RABGAP1L: variants seen among roughly 807,000 people sequenced by gnomAD.
RABGAP1L encodes RAB GTPase activating protein 1 like.
Under a neutral mutation model 137.7 loss-of-function variants are expected in RABGAP1L, and 63 were observed. The observed-to-expected ratio is 0.46, with a 90% CI of 0.37 to 0.56. The LOEUF is 0.56. Ranked by LOEUF, RABGAP1L falls within the 20% of genes least tolerant of loss-of-function variation. RABGAP1L has a pLI of 0.00. For synonymous variants in RABGAP1L, 431 were observed against 433.7 expected, an observed-to-expected ratio of 0.99 and a Z score of 0.08; for missense variants, 1,095 against 1,244.0, an observed-to-expected ratio of 0.88 and a Z score of 1.80.
chr1:174,877,398 G>A, intron 19 of RABGAP1L: 1 of 1,570,616 alleles, frequency 6.4e-7, no homozygotes, highest in Non-Finnish European at 8.6e-7. Flanking sequence ...TCAGGTGGGT[G>A]TGTACACTGG....
Position 174,272,478 on chromosome 1 carries a change from A to G in RABGAP1L, c.1051A>G (p.Met351Val), listed in dbSNP as rs1282879852. 1.9e-6 allele frequency: 3 copies of G among 1,586,720 alleles called. No individual in the cohort carries two copies. The highest frequency in any genetic ancestry group is 2.3e-5 in the East Asian group (1 of 43,246). The change falls in exon 8 of 26, where the codon ATG becomes GTG. Residue 351 changes from methionine (M) to valine (V), a missense_variant and splice_region_variant. By Grantham distance (21) the Met-to-Val change is conservative. Around this residue, in one of 4 missense-constraint regions of RABGAP1L, gnomAD observed 112 missense variants for 157.3 expected, o/e 0.71. Transcript: ENST00000681986. ...GAACAGTGACATGCATTTACTGGAT[A>G]TGGTAATGATAATCTTAAGCACCTT... ...VKNSDMHLLD[M>V]ESMGKSYDGR...
chr1:174,638,871 C>CAG (rs1018393543), intron 14 of RABGAP1L, among the ~76,000 whole-genome samples: 2 of 132,810 alleles, frequency 1.5e-5, no homozygotes, highest in Admixed American at 8.0e-5. Flanking sequence ...GAATATCACA[C>CAG]TCTGGGGACT....
In RABGAP1L at chr1:174,839,028, CGTGTGTGT is replaced by C. The variant is rs71726767; in HGVS notation, c.2340+27089_2340+27096del. ...ATGAGCTAAGTCATGAACTTTTTTA[CGTGTGTGT>C]GTGTGTGTGTGTGTGTGTGTTGGTA... On this transcript the variant is annotated intron_variant, in intron 19 of 25. Transcript: ENST00000681986. 9.1e-3 allele frequency among the ~76,000 whole-genome samples: 1,185 copies of C among 130,102 alleles called. 18 individuals are homozygous for C. Among genetic ancestry groups the C allele is most frequent in the African/African-American group, 0.031 (1,075 of 35,030 alleles). 85.4% of individuals were successfully genotyped at this position (130,102 alleles called of 152,430 possible).
chr1:174,538,870 T>A (rs747765118), intron 13 of RABGAP1L, among the ~76,000 whole-genome samples: 8 of 152,216 alleles, frequency 5.3e-5, no homozygotes, highest in Non-Finnish European at 8.8e-5. Context: ...AACCTCATTT[T>A]GTAGTGTGAT....
At chr1:174,649,452 G>A (rs910523340) in intron 14 of RABGAP1L, among the ~76,000 whole-genome samples, 2 of 152,018 alleles carry the variant, frequency 1.3e-5, no homozygotes, top group African/African-American at 4.8e-5. Flanking sequence ...TTTCTCCTTT[G>A]CTTATAAATC....
At chr1:174,833,676 G>C (rs910392293) in intron 19 of RABGAP1L, among the ~76,000 whole-genome samples, 1 of 150,972 alleles carries the variant, frequency 6.6e-6, no homozygotes, top group Non-Finnish European at 1.5e-5. Context: ...GTACCCACTA[G>C]GTCCTAGTAC....
intron 15 of RABGAP1L, among the ~76,000 whole-genome samples, chr1:174,685,800 T>G (rs1176067226): frequency 6.6e-6 from 1 of 152,124 alleles, no homozygotes; most frequent in African/African-American, 2.4e-5. Flanking sequence ...ACCTCAAGTG[T>G]GCCGTCTGCC....
chr1:174,623,340 A>G (rs1481638016), intron 13 of RABGAP1L, among the ~76,000 whole-genome samples: 1 of 152,192 alleles, frequency 6.6e-6, no homozygotes, highest in Non-Finnish European at 1.5e-5. Flanking sequence ...GGAGAACACA[A>G]TCCACACTGC....
chr1:174,552,028 G>GC lies in RABGAP1L; in HGVS notation c.1711-85346dup, dbSNP rs138723656. ...TATTTAACCATTGAAGAAATTAAAA[G>GC]CTCCTGAAAAAGAAATCACCGTGTC... On this transcript the variant is annotated intron_variant, in intron 13 of 25. Coordinates refer to ENST00000681986, the MANE Select transcript of RABGAP1L (RefSeq NM_001366446.1). 5.3e-3 allele frequency among the ~76,000 whole-genome samples: 812 copies of GC among 152,138 alleles called. 10 individuals carry two copies. Among genetic ancestry groups the GC allele is most frequent in the African/African-American group, 0.018 (767 of 41,516 alleles).
intron 12 of RABGAP1L, among the ~76,000 whole-genome samples, chr1:174,376,173 AGAAGGAAAGAAAGT>A (rs1341212041): frequency 1.3e-5 from 2 of 151,816 alleles, no homozygotes; most frequent in African/African-American, 2.4e-5. Flanking sequence ...AGAAAAAGAA[AGAAGGAAAGAAAGT>A]GAAGGAAAGA....
At chr1:174,944,091 C>T (rs1299473782) in intron 19 of RABGAP1L, among the ~76,000 whole-genome samples, 4 of 151,488 alleles carry the variant, frequency 2.6e-5, no homozygotes, top group Non-Finnish European at 2.9e-5. Context: ...GCCAACATGG[C>T]GAAACCCTGT....
At chr1:174,750,208 T>G (rs541521818) in intron 17 of RABGAP1L, among the ~76,000 whole-genome samples, 2 of 152,126 alleles carry the variant, frequency 1.3e-5, no homozygotes, top group Non-Finnish European at 2.9e-5. Context: ...TAGAATCACG[T>G]TGGAATTTGG....
chr1:174,909,569 A>G (rs1339975912), intron 19 of RABGAP1L, among the ~76,000 whole-genome samples: 2 of 152,266 alleles, frequency 1.3e-5, no homozygotes, highest in African/African-American at 2.4e-5. Context: ...AAAATAAATT[A>G]AAACTATGAG....
chr1:174,516,120 TAC>T (rs61414923), intron 13 of RABGAP1L, among the ~76,000 whole-genome samples: 26,289 of 132,970 alleles, frequency 0.2, 2,447 homozygotes, highest in Middle Eastern at 0.25. Context: ...ACTGAAGCTC[TAC>T]ACACACACAC....
intron 13 of RABGAP1L, among the ~76,000 whole-genome samples, chr1:174,445,509 TGTTA>T (rs1329754655): frequency 1.3e-5 from 2 of 152,158 alleles, no homozygotes; most frequent in African/African-American, 2.4e-5. Context: ...GGTACAGTAG[TGTTA>T]GTTCTATTGC....
At chr1:174,287,684 G>C (rs903010562) in intron 10 of RABGAP1L, among the ~76,000 whole-genome samples, 9 of 152,058 alleles carry the variant, frequency 5.9e-5, no homozygotes, top group African/African-American at 2.2e-4. Context: ...TTACAGACAG[G>C]GTTTCACTGT....
chr1:174,701,257 A>G, intron 16 of RABGAP1L: 2 of 1,234,100 alleles, frequency 1.6e-6, no homozygotes, highest in Non-Finnish European at 2.1e-6. Flanking sequence ...TTTAGAAGAT[A>G]TCCAATTTTA....
At chr1:174,846,251 T>C (rs1362664727) in intron 19 of RABGAP1L, among the ~76,000 whole-genome samples, 3 of 143,534 alleles carry the variant, frequency 2.1e-5, no homozygotes, top group African/African-American at 7.6e-5. Flanking sequence ...ATTTTAGTTA[T>C]TTCTTGCCTT....
chr1:174,474,595 GATT>G (rs539324091), intron 13 of RABGAP1L, among the ~76,000 whole-genome samples: 27 of 151,662 alleles, frequency 1.8e-4, no homozygotes, highest in African/African-American at 4.6e-4. Context: ...TGATGATGAT[GATT>G]ATTATTATTA....
Sources: allele counts gnomAD v4.1 joint callset (sites outside exome capture counted in the v4.1 genomes callset), GRCh38; gene constraint gnomAD v4.1.1; regional missense constraint gnomAD v4.1.1; transcripts MANE v1.5; gene names NCBI Gene and HGNC (gene_info 2026-07-23, HGNC 2026-07-21).